GRIK2: variants seen among roughly 807,000 people sequenced by gnomAD.
GRIK2 encodes glutamate receptor ionotropic, kainate 2.
GRIK2 carries 32 observed loss-of-function variants against 100.3 expected under a neutral mutation model. That is an observed-to-expected ratio of 0.32 (90% CI 0.24 to 0.43). GRIK2 has a LOEUF of 0.43. Ranked by LOEUF, GRIK2 falls within the 20% of genes least tolerant of loss-of-function variation. GRIK2 has a pLI of 1.00. For synonymous variants in GRIK2, 417 were observed against 389.4 expected (o/e 1.07, Z -0.83); for missense variants, 843 against 1,114.9 (o/e 0.76, Z 3.47).
At chr6:101,544,474 G>A (rs1271548223) in intron 2 of GRIK2, among the ~76,000 whole-genome samples, 1 of 152,144 alleles carries the variant, frequency 6.6e-6, no homozygotes, top group Non-Finnish European at 1.5e-5. Context: ...CTGGAAGTGT[G>A]TGAGTGACTC....
intron 7 of GRIK2, among the ~76,000 whole-genome samples, chr6:101,797,456 G>A (rs1431748213): frequency 6.6e-6 from 1 of 151,036 alleles, no homozygotes; most frequent in Admixed American, 6.6e-5. Flanking sequence ...TTTATAAAAT[G>A]TTAACAATAG....
intron 10 of GRIK2, among the ~76,000 whole-genome samples, chr6:101,828,679 A>G (rs1360323703): frequency 6.6e-6 from 1 of 152,004 alleles, no homozygotes; most frequent in Non-Finnish European, 1.5e-5. Flanking sequence ...GAGAAACTGA[A>G]TAAATATCTA....
chr6:101,529,973 T>G (rs1403415436), intron 2 of GRIK2, among the ~76,000 whole-genome samples: 1 of 152,054 alleles, frequency 6.6e-6, no homozygotes, highest in Non-Finnish European at 1.5e-5. Flanking sequence ...AGAGAGACAT[T>G]AAAAAATATG....
intron 4 of GRIK2, among the ~76,000 whole-genome samples, chr6:101,661,701 C>T (rs1327204592): frequency 1.3e-5 from 2 of 152,106 alleles, no homozygotes; most frequent in African/African-American, 2.4e-5. Context: ...AGCACAGTCT[C>T]TCATGGCTTC....
intron 2 of GRIK2, among the ~76,000 whole-genome samples, chr6:101,539,123 A>G (rs1318016067): frequency 1.3e-5 from 2 of 151,790 alleles, no homozygotes; most frequent in Non-Finnish European, 3.0e-5. Flanking sequence ...ACTTCATACC[A>G]TTAGTTAGAT....
chr6:101,794,612 C>T (rs1780160337), intron 7 of GRIK2, among the ~76,000 whole-genome samples: 2 of 150,734 alleles, frequency 1.3e-5, no homozygotes, highest in African/African-American at 2.5e-5. Context: ...CTTTATGGAA[C>T]TTTTCATTAA....
At chr6:101,720,614 T>C (rs1322965218) in intron 7 of GRIK2, among the ~76,000 whole-genome samples, 1 of 152,032 alleles carries the variant, frequency 6.6e-6, no homozygotes, top group East Asian at 1.9e-4. Flanking sequence ...CACATCTATT[T>C]TTATGTACTT....
At chr6:101,548,588 C>T (rs568146404) in intron 2 of GRIK2, among the ~76,000 whole-genome samples, 17 of 152,282 alleles carry the variant, frequency 1.1e-4, no homozygotes, top group South Asian at 6.2e-4. Context: ...ATCCTTTCCT[C>T]GTTTCTCGTT....
At chr6:101,418,284 T>G (rs563602400) in intron 2 of GRIK2, among the ~76,000 whole-genome samples, 3 of 152,196 alleles carry the variant, frequency 2.0e-5, no homozygotes, top group African/African-American at 7.2e-5. Context: ...TCCTAGAATC[T>G]CCACAGACAT....
chr6:101,485,487 A>T (rs1772771185), intron 2 of GRIK2, among the ~76,000 whole-genome samples: 1 of 152,168 alleles, frequency 6.6e-6, no homozygotes, highest in African/African-American at 2.4e-5. Flanking sequence ...CTAAGTACAA[A>T]ACATATTTGT....
intron 14 of GRIK2, among the ~76,000 whole-genome samples, chr6:101,994,394 G>A (rs1047435895): frequency 2.6e-5 from 4 of 151,686 alleles, no homozygotes; most frequent in Non-Finnish European, 5.9e-5. Flanking sequence ...TCATGCATAT[G>A]TATGGTTTTC....
intron 2 of GRIK2, among the ~76,000 whole-genome samples, chr6:101,478,441 G>A (rs1772360558): frequency 6.7e-6 from 1 of 149,322 alleles, no homozygotes; most frequent in Non-Finnish European, 1.5e-5. Flanking sequence ...ATAACCAGAT[G>A]TGGAAACTTT....
intron 2 of GRIK2, among the ~76,000 whole-genome samples, chr6:101,434,052 G>A (rs1769575750): frequency 6.6e-6 from 1 of 152,214 alleles, no homozygotes; most frequent in South Asian, 2.1e-4. Flanking sequence ...GTATAGATGT[G>A]ACTTAAAGGT....
intron 7 of GRIK2, among the ~76,000 whole-genome samples, chr6:101,688,155 C>A (rs765417734): frequency 6.7e-6 from 1 of 148,438 alleles, no homozygotes; most frequent in South Asian, 2.1e-4. Context: ...GCTTTCTTTA[C>A]AATTCTTTGA....
At chr6:101,839,204 C>T (rs973620262) in intron 10 of GRIK2, among the ~76,000 whole-genome samples, 1 of 152,180 alleles carries the variant, frequency 6.6e-6, no homozygotes, top group African/African-American at 2.4e-5. Flanking sequence ...TATCTTTGCT[C>T]ATAACCTCAC....
chr6:101,818,622 C>G (rs1013411269), intron 10 of GRIK2, 139 bp downstream of exon 10: 5 of 589,652 alleles, frequency 8.5e-6, no homozygotes, highest in African/African-American at 7.5e-5. Context: ...ACAGATGAGT[C>G]AATGTTAATT....
At chr6:101,438,354 T>C (rs574022887) in intron 2 of GRIK2, among the ~76,000 whole-genome samples, 56 of 152,232 alleles carry the variant, frequency 3.7e-4, no homozygotes, top group Non-Finnish European at 6.6e-4. Context: ...ATGACATAAT[T>C]GACCAGAATG....
intron 7 of GRIK2, among the ~76,000 whole-genome samples, chr6:101,754,575 C>T (rs1777007429): frequency 6.6e-6 from 1 of 152,114 alleles, no homozygotes; most frequent in African/African-American, 2.4e-5. Context: ...AATCCTTTTC[C>T]CCACAGAACA....
chr6:102,052,869 C>T (rs775299957), intron 15 of GRIK2, among the ~76,000 whole-genome samples: 1 of 152,026 alleles, frequency 6.6e-6, no homozygotes, highest in Admixed American at 6.6e-5. Context: ...TGCTTGAGCT[C>T]AGGAGGTCAA....
Sources: gnomAD v4.1 joint callset for allele counts (sites outside exome capture counted in the v4.1 genomes callset) on GRCh38, gnomAD v4.1.1 for gene constraint, MANE v1.5 for transcripts, NCBI Gene and HGNC (gene_info 2026-07-23, HGNC 2026-07-21) for gene names.